Variants in TMEM248 observed in about 807,000 individuals in gnomAD.
TMEM248 encodes the protein transmembrane protein 248.
A neutral mutation model predicts 30.3 loss-of-function variants in TMEM248; 9 were observed. The ratio of observed to expected loss-of-function variants is 0.30; its 90% CI spans 0.18 to 0.52. TMEM248 has a LOEUF of 0.52. TMEM248 is among the 20% of genes least tolerant of loss of function. TMEM248 has a pLI of 0.97. For synonymous variants in TMEM248, 184 were observed against 154.4 expected, an observed-to-expected ratio of 1.19 and a Z score of -1.42; for missense variants, 338 against 403.3, an observed-to-expected ratio of 0.84 and a Z score of 1.39.
intron 3 of TMEM248, among the ~76,000 whole-genome samples, chr7:66,947,730 T>C (rs1272554364): frequency 6.6e-6 from 1 of 151,632 alleles, no homozygotes; most frequent in African/African-American, 2.4e-5. Flanking sequence ...TATTTTAATA[T>C]TTTAATTTTT....
At chr7:66,939,853 T>C (rs936630959) in intron 1 of TMEM248, among the ~76,000 whole-genome samples, 2 of 152,166 alleles carry the variant, frequency 1.3e-5, no homozygotes, top group Admixed American at 6.5e-5. Flanking sequence ...AGGAAAATAA[T>C]TGTGCTCTTG....
At chr7:66,949,484 A>G (rs1792204605) in intron 4 of TMEM248, among the ~76,000 whole-genome samples, 2 of 152,286 alleles carry the variant, frequency 1.3e-5, no homozygotes, top group Middle Eastern at 3.4e-3. Context: ...AAATAAATCA[A>G]ATAAAACAAA....
At chr7:66,938,083 A>C (rs1791852064) in intron 1 of TMEM248, among the ~76,000 whole-genome samples, 1 of 152,202 alleles carries the variant, frequency 6.6e-6, no homozygotes, top group Non-Finnish European at 1.5e-5. Flanking sequence ...TCTTGTAGGC[A>C]ACACATCGTT....
At chr7:66,934,072 A>G (rs925026459) in intron 1 of TMEM248, among the ~76,000 whole-genome samples, 6 of 151,828 alleles carry the variant, frequency 4.0e-5, no homozygotes, top group African/African-American at 1.5e-4. Flanking sequence ...GAGGGGATAC[A>G]TTTATTTAGT....
chr7:66,926,627 C>A (rs1486732996), intron 1 of TMEM248, among the ~76,000 whole-genome samples: 1 of 145,442 alleles, frequency 6.9e-6, no homozygotes, highest in African/African-American at 2.5e-5. Context: ...CAGAGCAAGA[C>A]TCCATCTGAA....
intron 1 of TMEM248, among the ~76,000 whole-genome samples, chr7:66,932,427 T>A (rs10235334): frequency 0.16 from 23,861 of 152,216 alleles, 2,237 homozygotes; most frequent in East Asian, 0.29. Flanking sequence ...GTAAAGCGCC[T>A]TCTGTTGGTT....
chr7:66,921,754 T>G (rs968855346), intron 1 of TMEM248: 1 of 152,264 alleles, frequency 6.6e-6, no homozygotes, highest in African/African-American at 2.4e-5. Context: ...ATAATTCGGA[T>G]TTGGCACGGG....
At chr7:66,953,544 A>G (rs1183050842) in intron 6 of TMEM248, among the ~76,000 whole-genome samples, 175 bp downstream of exon 6, 1 of 152,194 alleles carries the variant, frequency 6.6e-6, no homozygotes, top group Non-Finnish European at 1.5e-5. Context: ...ATCGAAATTC[A>G]TGAATGTCCA....
intron 1 of TMEM248, among the ~76,000 whole-genome samples, chr7:66,940,768 G>A (rs1297181689): frequency 1.3e-5 from 2 of 152,210 alleles, no homozygotes; most frequent in Admixed American, 1.3e-4. Flanking sequence ...GCAGGGCTGG[G>A]ATGGCTGTGA....
chr7:66,941,745 C>A, intron 1 of TMEM248, 103 bp from the exon 2 acceptor site: 1 of 886,160 alleles, frequency 1.1e-6, no homozygotes, highest in Non-Finnish European at 1.7e-6. Flanking sequence ...AATGAGTGCC[C>A]ATCCCACCCA....
intron 1 of TMEM248, among the ~76,000 whole-genome samples, chr7:66,941,089 A>AGATG (rs1295096313): frequency 1.3e-5 from 2 of 152,150 alleles, no homozygotes; most frequent in Non-Finnish European, 2.9e-5. Context: ...ATCTCTTAAA[A>AGATG]GGTAATAAAT....
intron 1 of TMEM248, among the ~76,000 whole-genome samples, chr7:66,938,357 T>G (rs946950638): frequency 1.1e-4 from 16 of 152,188 alleles, no homozygotes; most frequent in African/African-American, 3.4e-4. Context: ...TATAGGACAG[T>G]GAAAACATTT....
chr7:66,942,105 C>T (rs1305439028), intron 2 of TMEM248, 81 bp downstream of exon 2: 1 of 1,467,364 alleles, frequency 6.8e-7, no homozygotes, highest in Non-Finnish European at 9.2e-7. Context: ...ATATAGCTTT[C>T]TTGGGTTTTG....
chr7:66,957,349 T>C lies in TMEM248; in HGVS notation c.*1827T>C, dbSNP rs1002349293. The C allele has an allele frequency of 4.6e-5, 7 of 152,256 alleles. No homozygotes were observed. Among genetic ancestry groups the C allele is most frequent in the Non-Finnish European group, 1.0e-4 (7 of 68,050 alleles). 9.4% of individuals were successfully genotyped at this position (152,256 alleles called of 1,614,324 possible). On this transcript the variant is annotated 3_prime_UTR_variant, in exon 7 of 7. Coordinates refer to ENST00000341567, the MANE Select transcript of TMEM248 (RefSeq NM_017994.5). ...CTTTTATTGAAGATTGTTAAAATAA[T>C]CACCATAGTAACTTGATATGTTAGT...
chr7:66,936,429 C>T (rs1055270039), intron 1 of TMEM248, among the ~76,000 whole-genome samples: 1 of 152,044 alleles, frequency 6.6e-6, no homozygotes, highest in Non-Finnish European at 1.5e-5. Flanking sequence ...GATGAATGAT[C>T]TTTTTAATGT....
At chr7:66,934,375 A>AT (rs1206071000) in intron 1 of TMEM248, among the ~76,000 whole-genome samples, 3 of 151,988 alleles carry the variant, frequency 2.0e-5, no homozygotes, top group African/African-American at 7.2e-5. Flanking sequence ...TAATTTTTGT[A>AT]TTTTTAGTAG....
At chr7:66,954,680 G>A (rs2129226781) in intron 6 of TMEM248, among the ~76,000 whole-genome samples, 2 of 152,268 alleles carry the variant, frequency 1.3e-5, no homozygotes, top group South Asian at 4.1e-4. Context: ...GATTACAGGT[G>A]TGAGCTACCA....
At chr7:66,928,061 A>G (rs1791569961) in intron 1 of TMEM248, among the ~76,000 whole-genome samples, 1 of 152,254 alleles carries the variant, frequency 6.6e-6, no homozygotes, top group Middle Eastern at 3.4e-3. Context: ...CTAAAAATAC[A>G]AAAATTAGCT....
chr7:66,952,429 G>A (rs1167929597), intron 5 of TMEM248, among the ~76,000 whole-genome samples: 3 of 152,230 alleles, frequency 2.0e-5, no homozygotes, highest in African/African-American at 7.2e-5. Flanking sequence ...GCCAGCTATG[G>A]AGGTCAGGCT....
Sources: allele counts gnomAD v4.1 joint callset (sites outside exome capture counted in the v4.1 genomes callset), GRCh38; gene constraint gnomAD v4.1.1; transcripts MANE v1.5; gene names NCBI Gene and HGNC (gene_info 2026-07-23, HGNC 2026-07-21).